Variants in ABCC9 observed in about 807,000 individuals in gnomAD.
ABCC9 encodes ATP binding cassette subfamily C member 9, also known as ATP-binding cassette sub-family C member 9.
A neutral mutation model predicts 188.3 loss-of-function variants in ABCC9; 95 were observed. The ratio of observed to expected loss-of-function variants is 0.50; its 90% CI spans 0.43 to 0.60. The LOEUF is 0.60. Ranked by LOEUF, ABCC9 falls within the 20% of genes least tolerant of loss-of-function variation. The pLI, the probability that ABCC9 is intolerant of heterozygous loss-of-function variation, is 0.00. For synonymous variants in ABCC9, 659 were observed against 652.7 expected (o/e 1.01, Z -0.15); for missense variants, 1,102 against 1,876.3 (o/e 0.59, Z 7.62).
At chr12:21,923,524 C>G (rs1240936149) in intron 5 of ABCC9, 2 of 282,276 alleles carry the variant, frequency 7.1e-6, no homozygotes, top group African/African-American at 4.4e-5. Flanking sequence ...ATAAACTCAT[C>G]AAAGAGTGTT....
chr12:21,799,346 A>G lies in ABCC9; in HGVS notation c.*1698T>C, dbSNP rs1434938677. On this transcript the variant is annotated 3_prime_UTR_variant, in exon 40 of 40. Transcript: ENST00000261200. ...ATGAATTATTACTTGCTAACAGGCA[A>G]TATGCATATTCTGCCCTACAAAATA... 6.6e-6 allele frequency: 1 copy of G among 152,146 alleles called. No homozygotes were observed. Among genetic ancestry groups the G allele is most frequent in the East Asian group, 1.9e-4 (1 of 5,200 alleles). 9.4% of individuals were successfully genotyped at this position (152,146 alleles called of 1,614,324 possible). A position where few individuals can be genotyped will look rare whatever the true frequency, so the allele number is the denominator to read the frequency against.
chr12:21,806,784 C>G (rs1481220669), intron 38 of ABCC9, among the ~76,000 whole-genome samples: 1 of 152,158 alleles, frequency 6.6e-6, no homozygotes. Flanking sequence ...AACATTTTCC[C>G]TACTCAATCA....
At chr12:21,854,451 T>A (rs1471698024) in intron 22 of ABCC9, among the ~76,000 whole-genome samples, 1 of 152,236 alleles carries the variant, frequency 6.6e-6, no homozygotes, top group East Asian at 1.9e-4. Flanking sequence ...TAATTGTGAA[T>A]AAATGGATGA....
chr12:21,900,165 C>A (rs1029980487), intron 12 of ABCC9, among the ~76,000 whole-genome samples: 18 of 152,220 alleles, frequency 1.2e-4, no homozygotes, highest in Admixed American at 2.6e-4. Flanking sequence ...ATTCTCTGTT[C>A]TGCAGCCTCC....
chr12:21,828,904 C>T, intron 31 of ABCC9, 54 bp downstream of exon 31: 1 of 1,406,638 alleles, frequency 7.1e-7, no homozygotes, highest in East Asian at 2.3e-5. Context: ...TGCCTCTTTG[C>T]AGCAGGCGTC....
chr12:21,856,911 C>CT (rs1945255513), intron 22 of ABCC9, among the ~76,000 whole-genome samples: 1 of 152,190 alleles, frequency 6.6e-6, no homozygotes. Flanking sequence ...AGCACAAACT[C>CT]TGTCATTCAC....
chr12:21,920,588 C>A (rs191131980), intron 5 of ABCC9, among the ~76,000 whole-genome samples: 140 of 151,924 alleles, frequency 9.2e-4, no homozygotes, highest in African/African-American at 2.9e-3. Context: ...CTCTTTAATT[C>A]TTTTTTAAAT....
chr12:21,879,447 G>T (rs1466081599), intron 16 of ABCC9, among the ~76,000 whole-genome samples: 1 of 152,136 alleles, frequency 6.6e-6, no homozygotes, highest in African/African-American at 2.4e-5. Context: ...GGGGCAAGGC[G>T]AGTGGGAAAT....
chr12:21,938,870 A>G (rs1949593624), intron 2 of ABCC9, among the ~76,000 whole-genome samples: 1 of 152,228 alleles, frequency 6.6e-6, no homozygotes, highest in South Asian at 2.1e-4. Context: ...TCAGAGAAGT[A>G]CAATCACCTG....
At position 21,936,685 on chromosome 12, in the gene ABCC9, A is replaced by G. The variant is rs72559432; in HGVS notation, c.-11T>C. The G allele has an allele frequency of 5.7e-4, 920 of 1,602,468 alleles. 18 individuals are homozygous for G. The South Asian group carries it at 9.2e-3, about 16-fold the overall frequency. On this transcript the variant is annotated 5_prime_UTR_variant, in exon 3 of 40. Transcript: ENST00000261200. ...AAATGAAAGGCTCATTTCTTCTTAT[A>G]TGGTTTACTCTAAAAGGGAGAGAAA...
chr12:21,941,395 C>T lies in ABCC9; in HGVS notation c.-332G>A, dbSNP rs1949676829. On this transcript the variant is annotated 5_prime_UTR_variant, in exon 1 of 40. Coordinates refer to ENST00000261200, the MANE Select transcript of ABCC9 (RefSeq NM_020297.4). This position sits in a 1 kb window ranked among gnomAD's most constrained non-coding sequence, Gnocchi z 5.4. The stretch of plus-strand genomic sequence containing the variant: ...CGCGCGCCGCGCCTGGGGCCGGAGA[C>T]CTTCCCCATCCCTGCTCTGCTCAGC... 2 of 152,438 alleles carry T rather than the reference C, an allele frequency of 1.3e-5. No individual in the cohort carries two copies. The highest frequency in any genetic ancestry group is 4.8e-5 in the African/African-American group (2 of 41,482). 9.4% of individuals were successfully genotyped at this position (152,438 alleles called of 1,614,324 possible).
chr12:21,892,553 G>A (rs536691758), intron 14 of ABCC9, among the ~76,000 whole-genome samples: 19 of 152,224 alleles, frequency 1.2e-4, no homozygotes, highest in East Asian at 7.7e-4. Flanking sequence ...TCAGTGATCC[G>A]GACAAGTGTT....
chr12:21,909,073 GGTA>G (rs1948190667), intron 10 of ABCC9, among the ~76,000 whole-genome samples: 1 of 151,732 alleles, frequency 6.6e-6, no homozygotes, highest in South Asian at 2.1e-4. Flanking sequence ...TAACTAATTA[GGTA>G]GTTTGAGATA....
chr12:21,876,939 A>G (rs1946383148), intron 16 of ABCC9, among the ~76,000 whole-genome samples: 1 of 152,230 alleles, frequency 6.6e-6, no homozygotes, highest in Non-Finnish European at 1.5e-5. Flanking sequence ...ATGTTTGTCC[A>G]TGCAGGTTTT....
intron 36 of ABCC9, among the ~76,000 whole-genome samples, chr12:21,811,068 G>C (rs1942203313): frequency 6.6e-6 from 1 of 152,122 alleles, no homozygotes; most frequent in Admixed American, 6.6e-5. Context: ...TCCAGGGAGG[G>C]ACCTGGTGGG....
At chr12:21,920,769 G>A (rs1270644719) in intron 5 of ABCC9, among the ~76,000 whole-genome samples, 1 of 151,880 alleles carries the variant, frequency 6.6e-6, no homozygotes, top group Non-Finnish European at 1.5e-5. Context: ...ATCTCCATGA[G>A]TTCAATTGTT....
intron 16 of ABCC9, among the ~76,000 whole-genome samples, chr12:21,881,932 A>G (rs1392884811): frequency 6.6e-6 from 1 of 152,190 alleles, no homozygotes; most frequent in African/African-American, 2.4e-5. Flanking sequence ...AAATTAGTGG[A>G]AAAGGGAGGG....
chr12:21,829,422 C>T (rs767508960), intron 30 of ABCC9, among the ~76,000 whole-genome samples: 10 of 152,058 alleles, frequency 6.6e-5, no homozygotes, highest in East Asian at 1.9e-4. Flanking sequence ...AGGATGGTCT[C>T]GATCTCCTGA....
Position 21,827,835 on chromosome 12 carries a change from G to A in ABCC9, c.3669+1123C>T, listed in dbSNP as rs545207407. Reference sequence around the variant, plus strand: ...TGCTGTTGAATAATTTCTACATAATGACTAATATAGTTGAGGAGAATCTCT... The same window carrying A: ...TGCTGTTGAATAATTTCTACATAATAACTAATATAGTTGAGGAGAATCTCT... On this transcript the variant is annotated intron_variant, in intron 31 of 39. Transcript: ENST00000261200. Among the ~76,000 whole-genome samples, 567 of 152,274 alleles carry A rather than the reference G, an allele frequency of 3.7e-3. 2 individuals carry two copies. The highest frequency in any genetic ancestry group is 8.4e-3 in the Admixed American group (128 of 15,290).
Sources: allele counts gnomAD v4.1 joint callset (sites outside exome capture counted in the v4.1 genomes callset), GRCh38; gene constraint gnomAD v4.1.1; non-coding constraint Gnocchi (gnomAD v3.1); transcripts MANE v1.5; gene names NCBI Gene and HGNC (gene_info 2026-07-23, HGNC 2026-07-21).